SNTG1: variants seen among roughly 807,000 people sequenced by gnomAD.
The protein encoded by SNTG1 is syntrophin gamma 1, also known as gamma-1-syntrophin.
SNTG1 carries 39 observed loss-of-function variants against 74.7 expected under a neutral mutation model. That is an observed-to-expected ratio of 0.52 (90% CI 0.40 to 0.68). SNTG1 has a LOEUF of 0.68. Ranked by LOEUF, SNTG1 falls within the 30% of genes least tolerant of loss-of-function variation. SNTG1 has a pLI of 0.00. For missense variants in SNTG1, 685 were observed against 609.5 expected (o/e 1.12, Z -1.30); for synonymous variants, 254 against 217.1 (o/e 1.17, Z -1.49).
At chr8:50,165,360 G>A (rs1447660539) in intron 1 of SNTG1, among the ~76,000 whole-genome samples, 2 of 152,182 alleles carry the variant, frequency 1.3e-5, no homozygotes, top group Non-Finnish European at 1.5e-5. Flanking sequence ...ATGTTTGGAT[G>A]TACAGAAATC....
intron 2 of SNTG1, among the ~76,000 whole-genome samples, chr8:50,270,942 CG>C (rs1418850345): frequency 1.3e-5 from 2 of 152,054 alleles, no homozygotes; most frequent in Non-Finnish European, 2.9e-5. Context: ...AGTTGGAAGA[CG>C]ATAAAAGTTA....
intron 13 of SNTG1, among the ~76,000 whole-genome samples, chr8:50,594,713 G>A (rs965837780): frequency 6.6e-6 from 1 of 152,066 alleles, no homozygotes; most frequent in African/African-American, 2.4e-5. Flanking sequence ...AGAAAAGAAA[G>A]AAAAGTAGGA....
chr8:50,592,770 T>A (rs1223557180), intron 13 of SNTG1, among the ~76,000 whole-genome samples: 4 of 152,188 alleles, frequency 2.6e-5, no homozygotes, highest in Non-Finnish European at 2.9e-5. Flanking sequence ...TTTATTTCAA[T>A]TATCTTGGCA....
chr8:50,436,417 C>T (rs1403012117), intron 4 of SNTG1, among the ~76,000 whole-genome samples: 1 of 151,994 alleles, frequency 6.6e-6, no homozygotes. Context: ...ATGACTATTA[C>T]ATAAGAATCC....
At chr8:50,239,066 C>G (rs772341213) in intron 2 of SNTG1, among the ~76,000 whole-genome samples, 1 of 152,100 alleles carries the variant, frequency 6.6e-6, no homozygotes, top group African/African-American at 2.4e-5. Flanking sequence ...TTCAGTCACA[C>G]GAAAACCAGC....
intron 1 of SNTG1, among the ~76,000 whole-genome samples, chr8:49,960,757 C>T (rs1227881255): frequency 2.0e-5 from 3 of 152,054 alleles, no homozygotes; most frequent in African/African-American, 7.2e-5. Context: ...TCTGTGGTGC[C>T]ACTCAAAGCC....
intron 1 of SNTG1, among the ~76,000 whole-genome samples, chr8:50,019,846 C>CATA (rs1182577359): frequency 1.3e-5 from 2 of 152,048 alleles, no homozygotes; most frequent in Non-Finnish European, 2.9e-5. Flanking sequence ...TGTGAAACAT[C>CATA]ATAAGCAGTG....
Position 50,436,896 on chromosome 8 carries a change from C to T in SNTG1, c.163-1647C>T, listed in dbSNP as rs115855499. Among the ~76,000 whole-genome samples, 774 of 151,980 alleles carry T rather than the reference C, an allele frequency of 5.1e-3. 5 individuals carry two copies. The highest frequency in any genetic ancestry group is 0.018 in the African/African-American group (743 of 41,454). ...GCCCTGTTTATATGTGTAGGTTTTG[C>T]GATATAAATTCTAAAATATATCTTC... On this transcript the variant is annotated intron_variant, in intron 4 of 18. Coordinates refer to ENST00000642720, the MANE Select transcript of SNTG1 (RefSeq NM_018967.5).
chr8:50,062,000 C>T (rs1211145150), intron 1 of SNTG1, among the ~76,000 whole-genome samples: 1 of 151,960 alleles, frequency 6.6e-6, no homozygotes, highest in Non-Finnish European at 1.5e-5. Flanking sequence ...CTGATTTTCT[C>T]TTTATCAATT....
intron 8 of SNTG1, among the ~76,000 whole-genome samples, chr8:50,454,043 A>G (rs1214139044): frequency 6.6e-6 from 1 of 152,214 alleles, no homozygotes; most frequent in African/African-American, 2.4e-5. Flanking sequence ...CAAGAGACCA[A>G]AGCCCATCAA....
chr8:50,164,776 A>T (rs2082555074), intron 1 of SNTG1, among the ~76,000 whole-genome samples: 1 of 152,204 alleles, frequency 6.6e-6, no homozygotes, highest in South Asian at 2.1e-4. Flanking sequence ...ACTCTTTGGA[A>T]AAAATATTAT....
chr8:50,405,099 G>A (rs1447184301), intron 4 of SNTG1, among the ~76,000 whole-genome samples: 1 of 152,010 alleles, frequency 6.6e-6, no homozygotes, highest in Admixed American at 6.6e-5. Context: ...TTTGAAAAAT[G>A]CCTCTAGGAA....
At chr8:49,994,881 T>A (rs1024308205) in intron 1 of SNTG1, among the ~76,000 whole-genome samples, 1 of 152,154 alleles carries the variant, frequency 6.6e-6, no homozygotes, top group Non-Finnish European at 1.5e-5. Flanking sequence ...ATCCCAGATC[T>A]TAAAATGTAG....
At chr8:50,523,456 C>A (rs868487143) in intron 9 of SNTG1, among the ~76,000 whole-genome samples, 19 of 152,050 alleles carry the variant, frequency 1.2e-4, no homozygotes, top group African/African-American at 4.6e-4. Flanking sequence ...GCAATTCTTT[C>A]TTTTATTTGA....
At chr8:49,961,261 T>C (rs1810658729) in intron 1 of SNTG1, among the ~76,000 whole-genome samples, 1 of 152,216 alleles carries the variant, frequency 6.6e-6, no homozygotes, top group Non-Finnish European at 1.5e-5. Flanking sequence ...TATGCAGCAA[T>C]GCTACTAACA....
chr8:50,439,716 C>CTTTTTT (rs60899125), intron 5 of SNTG1, among the ~76,000 whole-genome samples: 3 of 102,054 alleles, frequency 2.9e-5, no homozygotes, highest in Non-Finnish European at 6.3e-5. Flanking sequence ...TTTTGTTTTG[C>CTTTTTT]TTTTTTTTTT....
chr8:50,202,761 T>C (rs2131849485), intron 2 of SNTG1, among the ~76,000 whole-genome samples: 1 of 151,866 alleles, frequency 6.6e-6, no homozygotes, highest in African/African-American at 2.4e-5. Context: ...TCACCTCCCA[T>C]TCATGGCTTC....
At chr8:50,031,783 T>C (rs1202199006) in intron 1 of SNTG1, among the ~76,000 whole-genome samples, 1 of 152,104 alleles carries the variant, frequency 6.6e-6, no homozygotes, top group Non-Finnish European at 1.5e-5. Context: ...TTGTCCGAAG[T>C]TTGTATGTAC....
chr8:50,431,663 A>G (rs913670222), intron 4 of SNTG1, among the ~76,000 whole-genome samples: 18 of 152,318 alleles, frequency 1.2e-4, no homozygotes, highest in African/African-American at 4.3e-4. Flanking sequence ...ATGAAAATTA[A>G]CCATGAACAG....
Sources: allele counts gnomAD v4.1 joint callset (sites outside exome capture counted in the v4.1 genomes callset), GRCh38; gene constraint gnomAD v4.1.1; transcripts MANE v1.5; gene names NCBI Gene and HGNC (gene_info 2026-07-23, HGNC 2026-07-21).